The following UNC13C variants were observed in gnomAD, a reference collection of about 807,000 sequenced individuals.
UNC13C encodes unc-13 homolog C, also known as protein unc-13 homolog C.
A neutral mutation model predicts 245.4 loss-of-function variants in UNC13C; 174 were observed. That is an observed-to-expected ratio of 0.71 (90% CI 0.63 to 0.80). The LOEUF (loss-of-function observed/expected upper bound fraction) is 0.80. Ranked by LOEUF, UNC13C falls within the 30% of genes least tolerant of loss-of-function variation. The pLI is 0.00. For missense variants in UNC13C, 2,829 were observed against 2,602.9 expected (o/e 1.09, Z -1.89); for synonymous variants, 992 against 895.1 (o/e 1.11, Z -1.93).
the UNC13C span, among the ~76,000 whole-genome samples, chr15:53,868,140 C>T: frequency 6.6e-6 from 1 of 152,132 alleles, no homozygotes; most frequent in African/African-American, 2.4e-5. Context: ...TGGCCACAAG[C>T]TTTTATCATA....
At chr15:53,842,261 T>C in the UNC13C span, among the ~76,000 whole-genome samples, 1 of 152,212 alleles carries the variant, frequency 6.6e-6, no homozygotes, top group Non-Finnish European at 1.5e-5. Context: ...ACTTTTACTT[T>C]GCTCATTCAT....
intron 29 of UNC13C, among the ~76,000 whole-genome samples, chr15:54,556,151 T>C (rs987393648): frequency 6.6e-6 from 1 of 152,084 alleles, no homozygotes; most frequent in African/African-American, 2.4e-5. Flanking sequence ...TATATTTATA[T>C]GTGAAAGTTT....
At chr15:54,062,246 G>A (rs1444918478) in intron 2 of UNC13C, among the ~76,000 whole-genome samples, 1 of 151,634 alleles carries the variant, frequency 6.6e-6, no homozygotes, top group African/African-American at 2.4e-5. Flanking sequence ...TTGAACTTGG[G>A]AGGTGGAGGT....
chr15:54,147,376 C>G (rs144560584), intron 4 of UNC13C, among the ~76,000 whole-genome samples: 1 of 151,806 alleles, frequency 6.6e-6, no homozygotes, highest in African/African-American at 2.4e-5. Flanking sequence ...CCCTCCACCA[C>G]GCCCGGCCAT....
At chr15:54,131,974 A>G (rs993716901) in intron 2 of UNC13C, among the ~76,000 whole-genome samples, 3 of 152,094 alleles carry the variant, frequency 2.0e-5, no homozygotes, top group Admixed American at 2.0e-4. Flanking sequence ...ATGGCTGAAG[A>G]GTTAGAGGAT....
At chr15:54,301,035 A>G (rs2037565938) in intron 13 of UNC13C, among the ~76,000 whole-genome samples, 1 of 152,198 alleles carries the variant, frequency 6.6e-6, no homozygotes, top group Non-Finnish European at 1.5e-5. Context: ...GTAAGGGTTT[A>G]GTAATGAACA....
intron 30 of UNC13C, among the ~76,000 whole-genome samples, chr15:54,574,410 A>AT (rs1347398309): frequency 6.6e-6 from 1 of 152,224 alleles, no homozygotes; most frequent in Non-Finnish European, 1.5e-5. Context: ...ACTAAAAAAA[A>AT]GGTTTTTCTC....
chr15:54,457,289 G>C (rs1050868176), intron 19 of UNC13C, among the ~76,000 whole-genome samples: 2 of 152,014 alleles, frequency 1.3e-5, no homozygotes, highest in African/African-American at 4.8e-5. Context: ...CTAGTATTTT[G>C]TTAAGGTTTT....
chr15:54,538,374 G>A (rs1161644286), intron 26 of UNC13C, among the ~76,000 whole-genome samples: 1 of 151,920 alleles, frequency 6.6e-6, no homozygotes, highest in Non-Finnish European at 1.5e-5. Flanking sequence ...TGTAGAAAAG[G>A]GAATGCTTAT....
chr15:54,621,853 A>C (rs541338368), intron 30 of UNC13C, among the ~76,000 whole-genome samples: 1 of 152,130 alleles, frequency 6.6e-6, no homozygotes, highest in African/African-American at 2.4e-5. Context: ...TTATAAATAA[A>C]TTGTTGTAAT....
chr15:54,604,933 C>T (rs1899681652), intron 30 of UNC13C, among the ~76,000 whole-genome samples: 1 of 138,534 alleles, frequency 7.2e-6, no homozygotes, highest in Non-Finnish European at 1.6e-5. Flanking sequence ...ACTTCCGGCA[C>T]ATGTACCCTG....
At chr15:54,388,141 G>A (rs66602012) in intron 17 of UNC13C, among the ~76,000 whole-genome samples, 26,385 of 151,934 alleles carry the variant, frequency 0.17, 2,430 homozygotes, top group Middle Eastern at 0.25. Flanking sequence ...TTCCTGTCCT[G>A]CCTTTTTCAC....
At chr15:54,191,054 G>A (rs921992725) in intron 4 of UNC13C, among the ~76,000 whole-genome samples, 1 of 151,918 alleles carries the variant, frequency 6.6e-6, no homozygotes, top group Non-Finnish European at 1.5e-5. Flanking sequence ...AACTTTTTAA[G>A]CATTTTTAAA....
chr15:54,511,824 G>T lies in UNC13C; in HGVS notation c.5451G>T (p.Gly1817=), dbSNP rs765011948. The part of the protein sequence containing the change: ...QLEKMFESMG[G]KELDSEASTI... ...AAAAAATGTTTGAATCCATGGGAGGGAAGGAGGTGGGTATCTTTTTCTCCT... is the reference window on the plus strand; with the variant it reads ...AAAAAATGTTTGAATCCATGGGAGGTAAGGAGGTGGGTATCTTTTTCTCCT... The change falls in exon 24 of 33, where the codon GGG becomes GGT. Residue 1817 remains glycine, a synonymous_variant. Transcript: ENST00000260323. 2.5e-6 allele frequency: 4 copies of T among 1,605,468 alleles called. No individual in the cohort carries two copies. Among genetic ancestry groups the T allele is most frequent in the Non-Finnish European group, 3.4e-6 (4 of 1,175,326 alleles).
intron 19 of UNC13C, among the ~76,000 whole-genome samples, chr15:54,417,859 A>G (rs965762496): frequency 2.0e-5 from 3 of 152,142 alleles, no homozygotes; most frequent in Non-Finnish European, 4.4e-5. Flanking sequence ...ATTCAGAATT[A>G]TTTTCATTTA....
At chr15:54,542,521 G>A (rs1377692141) in intron 26 of UNC13C, among the ~76,000 whole-genome samples, 1 of 152,106 alleles carries the variant, frequency 6.6e-6, no homozygotes, top group African/African-American at 2.4e-5. Flanking sequence ...AGGTCCACTT[G>A]GTCCAGAGCT....
At chr15:54,237,565 A>C in intron 6 of UNC13C, 54 bp from the exon 7 acceptor site, 2 of 1,318,896 alleles carry the variant, frequency 1.5e-6, no homozygotes, top group Non-Finnish European at 2.2e-6. Flanking sequence ...GCTGAGCAGT[A>C]TATGCACGTC....
intron 30 of UNC13C, among the ~76,000 whole-genome samples, chr15:54,614,064 C>CAT (rs1288076444): frequency 2.0e-5 from 3 of 151,994 alleles, no homozygotes; most frequent in African/African-American, 7.2e-5. Context: ...TGCTGATTGT[C>CAT]ATACTGCTTT....
At chr15:53,985,686 G>T (rs1894108722) in intron 1 of UNC13C, among the ~76,000 whole-genome samples, 1 of 151,976 alleles carries the variant, frequency 6.6e-6, no homozygotes, top group Non-Finnish European at 1.5e-5. Context: ...AGTGGTGGAA[G>T]ACGGATTTTT....
Sources: allele counts gnomAD v4.1 joint callset (sites outside exome capture counted in the v4.1 genomes callset), GRCh38; gene constraint gnomAD v4.1.1; transcripts MANE v1.5; gene names NCBI Gene and HGNC (gene_info 2026-07-23, HGNC 2026-07-21).